RGS7: variants seen among roughly 807,000 people sequenced by gnomAD.
RGS7 encodes regulator of G-protein signaling 7.
RGS7 carries 27 observed loss-of-function variants against 81.1 expected under a neutral mutation model. The ratio of observed to expected loss-of-function variants is 0.33; its 90% CI spans 0.25 to 0.46. RGS7 has a LOEUF of 0.46. Ranked by LOEUF, RGS7 falls within the 20% of genes least tolerant of loss-of-function variation. RGS7 has a pLI of 1.00. For missense variants in RGS7, 396 were observed against 607.4 expected, an observed-to-expected ratio of 0.65 and a Z score of 3.66; for synonymous variants, 208 against 207.7, an observed-to-expected ratio of 1.00 and a Z score of -0.01.
chr1:241,222,031 G>A (rs1473783519), intron 2 of RGS7, among the ~76,000 whole-genome samples: 2 of 152,064 alleles, frequency 1.3e-5, no homozygotes, highest in Non-Finnish European at 2.9e-5. Context: ...GAATTTCTAG[G>A]AAGAACTCTT....
At chr1:241,255,842 C>T (rs2077033404) in intron 2 of RGS7, among the ~76,000 whole-genome samples, 1 of 152,210 alleles carries the variant, frequency 6.6e-6, no homozygotes, top group Admixed American at 6.5e-5. Flanking sequence ...AGTAAACATG[C>T]ATTTCAAAGA....
chr1:240,865,081 T>C (rs373557086), intron 9 of RGS7, among the ~76,000 whole-genome samples: 2 of 152,256 alleles, frequency 1.3e-5, no homozygotes, highest in East Asian at 1.9e-4. Context: ...CTTTTACCCA[T>C]ATAATCTCAT....
chr1:240,874,982 C>T (rs932267453), intron 6 of RGS7, among the ~76,000 whole-genome samples: 1 of 151,896 alleles, frequency 6.6e-6, no homozygotes, highest in African/African-American at 2.4e-5. Context: ...GCGGGGGTTG[C>T]AGTGAGCTGA....
chr1:240,842,688 C>G (rs1658287460), intron 9 of RGS7, among the ~76,000 whole-genome samples: 1 of 152,082 alleles, frequency 6.6e-6, no homozygotes, highest in Non-Finnish European at 1.5e-5. Context: ...CAGTTCACTT[C>G]AAAGTTCTTC....
chr1:240,974,001 T>C (rs1369615405), intron 4 of RGS7, among the ~76,000 whole-genome samples: 1 of 152,228 alleles, frequency 6.6e-6, no homozygotes, highest in Non-Finnish European at 1.5e-5. Context: ...TTTATTAAAT[T>C]AATTAACAAG....
chr1:240,807,324 G>T (rs538617175), intron 14 of RGS7, among the ~76,000 whole-genome samples: 1 of 152,106 alleles, frequency 6.6e-6, no homozygotes, highest in East Asian at 1.9e-4. Flanking sequence ...CTAGAAAAAG[G>T]AGCTGCTAGG....
intron 2 of RGS7, among the ~76,000 whole-genome samples, chr1:241,323,850 T>C (rs1251928797): frequency 6.6e-6 from 1 of 152,172 alleles, no homozygotes; most frequent in Non-Finnish European, 1.5e-5. Context: ...GTCATAATAA[T>C]ATAATTTAAC....
intron 2 of RGS7, among the ~76,000 whole-genome samples, chr1:241,214,024 C>G (rs1223290565): frequency 6.6e-6 from 1 of 152,140 alleles, no homozygotes; most frequent in Admixed American, 6.5e-5. Flanking sequence ...CCGGGCCTCC[C>G]AAAGTGCTGG....
intron 13 of RGS7, among the ~76,000 whole-genome samples, chr1:240,812,570 T>G (rs1832906): frequency 0.64 from 97,544 of 151,260 alleles, 33,357 homozygotes; most frequent in Non-Finnish European, 0.77. Flanking sequence ...GGGTAGCTGG[T>G]ATTACAGGCA....
At chr1:240,895,566 C>T (rs1668955259) in intron 6 of RGS7, among the ~76,000 whole-genome samples, 1 of 152,060 alleles carries the variant, frequency 6.6e-6, no homozygotes, top group African/African-American at 2.4e-5. Flanking sequence ...CCATAGTTTG[C>T]TCAGAATGAT....
At chr1:241,061,817 C>G (rs2061753465) in intron 3 of RGS7, among the ~76,000 whole-genome samples, 1 of 152,156 alleles carries the variant, frequency 6.6e-6, no homozygotes, top group African/African-American at 2.4e-5. Flanking sequence ...CTAGCCTAGA[C>G]CATCATCTGT....
chr1:241,337,302 C>A (rs2082297608), intron 2 of RGS7, among the ~76,000 whole-genome samples: 1 of 152,128 alleles, frequency 6.6e-6, no homozygotes, highest in Non-Finnish European at 1.5e-5. Flanking sequence ...CTTGCCCTGA[C>A]TCAAACGGCC....
chr1:241,257,248 T>C (rs908307784), intron 2 of RGS7, among the ~76,000 whole-genome samples: 1 of 152,148 alleles, frequency 6.6e-6, no homozygotes, highest in East Asian at 1.9e-4. Flanking sequence ...ACTTCATAGA[T>C]GTCACCTCTT....
intron 9 of RGS7, among the ~76,000 whole-genome samples, chr1:240,832,044 T>C (rs1038432673): frequency 6.6e-6 from 1 of 152,160 alleles, no homozygotes; most frequent in African/African-American, 2.4e-5. Context: ...GATGAGACCA[T>C]GTTGTCTTTG....
chr1:240,804,582 T>C (rs545910518), intron 15 of RGS7, among the ~76,000 whole-genome samples: 1 of 152,326 alleles, frequency 6.6e-6, no homozygotes, highest in Non-Finnish European at 1.5e-5. Flanking sequence ...GCAAGAATAT[T>C]TTTAAATGAC....
intron 3 of RGS7, 116 bp downstream of exon 3, chr1:241,098,550 T>C: frequency 1.3e-6 from 1 of 742,982 alleles, no homozygotes; most frequent in Admixed American, 2.1e-5. Flanking sequence ...ATTTTATAAG[T>C]AGTTACTGAA....
chr1:240,892,247 A>C (rs1185523157), intron 6 of RGS7, among the ~76,000 whole-genome samples: 1 of 152,186 alleles, frequency 6.6e-6, no homozygotes, highest in Non-Finnish European at 1.5e-5. Flanking sequence ...CTTTTAGAAT[A>C]TGAAATTAAA....
chr1:240,844,043 T>C (rs573604413), intron 9 of RGS7, among the ~76,000 whole-genome samples: 1 of 152,310 alleles, frequency 6.6e-6, no homozygotes, highest in South Asian at 2.1e-4. Context: ...TGAGTGTGTT[T>C]GTACACATTT....
At chr1:241,180,384 C>CA (rs577581245) in intron 2 of RGS7, among the ~76,000 whole-genome samples, 4,011 of 151,396 alleles carry the variant, frequency 0.026, 64 homozygotes, top group Non-Finnish European at 0.04. Context: ...CAAAAAAAAC[C>CA]AAAAAAACAA....
Sources: gnomAD v4.1 joint callset for allele counts (sites outside exome capture counted in the v4.1 genomes callset) on GRCh38, gnomAD v4.1.1 for gene constraint, MANE v1.5 for transcripts, NCBI Gene and HGNC (gene_info 2026-07-23, HGNC 2026-07-21) for gene names.